Variants in PLEKHH3 observed in about 807,000 individuals in gnomAD.
PLEKHH3 encodes the protein pleckstrin homology domain-containing family H member 3.
Under a neutral mutation model 77.8 loss-of-function variants are expected in PLEKHH3, and 57 were observed. The ratio of observed to expected loss-of-function variants is 0.73; its 90% CI spans 0.59 to 0.91. The LOEUF (loss-of-function observed/expected upper bound fraction) is 0.91. PLEKHH3 is among the 40% of genes least tolerant of loss of function. PLEKHH3 has a pLI of 0.00. For synonymous variants in PLEKHH3, 467 were observed against 504.8 expected (o/e 0.93, Z 1.00); for missense variants, 1,082 against 1,091.2 (o/e 0.99, Z 0.12).
chr17:42,670,906 C>T, intron 9 of PLEKHH3, 88 bp downstream of exon 9: 1 of 1,559,894 alleles, frequency 6.4e-7, no homozygotes, highest in Admixed American at 2.0e-5. Context: ...GGGCCAGGGG[C>T]AAGCGCTGGA....
At position 42,671,181 on chromosome 17, in the gene PLEKHH3, G is replaced by T. The variant is rs2052692873; in HGVS notation, c.1285-51C>A. On this transcript the variant is annotated intron_variant, in intron 8 of 12. Coordinates refer to ENST00000591022, the MANE Select transcript of PLEKHH3 (RefSeq NM_024927.5). This position sits in a 1 kb window ranked among gnomAD's most constrained non-coding sequence, Gnocchi z 4.7. ...CACTCAGAGGTCTTGCCAGGATTCT[G>T]GGAGGGGTTGATTCAATTGGAAGGG... 1.3e-6 allele frequency: 2 copies of T among 1,534,222 alleles called. No homozygotes were observed. The highest frequency in any genetic ancestry group is 2.5e-5 in the South Asian group (2 of 80,198).
At position 42,671,296 on chromosome 17, in the gene PLEKHH3, G is replaced by C; in HGVS notation, c.1284+55C>G. Reference sequence around the variant, plus strand: ...AGGGTCCAGGAAGAGGGAGAGACAGGCGTGAGAAGCTGGCAGGGTGGGTTG... The same window carrying C: ...AGGGTCCAGGAAGAGGGAGAGACAGCCGTGAGAAGCTGGCAGGGTGGGTTG... On this transcript the variant is annotated intron_variant, in intron 8 of 12. Transcript: ENST00000591022. The surrounding 1 kb of genome is among the most constrained non-coding windows in gnomAD (Gnocchi z 4.7). The C allele has an allele frequency of 6.3e-7, 1 of 1,587,528 alleles. No individual in the cohort carries two copies. The highest frequency in any genetic ancestry group is 2.3e-5 in the East Asian group (1 of 44,318).
At position 42,676,142 on chromosome 17, in the gene PLEKHH3, G is replaced by T; in HGVS notation, c.162+260C>A. The T allele has an allele frequency of 7.4e-7, 1 of 1,359,054 alleles. No homozygotes were observed. Among genetic ancestry groups the T allele is most frequent in the Non-Finnish European group, 9.5e-7 (1 of 1,057,910 alleles). The allele number at this position is 1,359,054 out of a possible 1,614,324, so 84.2% of individuals were successfully genotyped here. A position where few individuals can be genotyped will look rare whatever the true frequency, so the allele number is the denominator to read the frequency against. Reference sequence around the variant, plus strand: ...GGAAGGGAGAGGCAGGGCCAGGTCGGGCCACGCGTGACGCCTCCCCTGCCT... The same window carrying T: ...GGAAGGGAGAGGCAGGGCCAGGTCGTGCCACGCGTGACGCCTCCCCTGCCT... On this transcript the variant is annotated intron_variant, in intron 1 of 12. Coordinates refer to ENST00000591022, the MANE Select transcript of PLEKHH3 (RefSeq NM_024927.5). This position sits in a 1 kb window ranked among gnomAD's most constrained non-coding sequence, Gnocchi z 6.6.
chr17:42,676,713 G>C lies in PLEKHH3; in HGVS notation c.-150C>G. 1 of 775,568 alleles carries C rather than the reference G, an allele frequency of 1.3e-6. No homozygotes were observed. The highest frequency in any genetic ancestry group is 2.1e-6 in the Non-Finnish European group (1 of 477,946). The allele number at this position is 775,568 out of a possible 1,614,324, so 48.0% of individuals were successfully genotyped here. On this transcript the variant is annotated 5_prime_UTR_variant, in exon 1 of 13. Transcript: ENST00000591022. This position sits in a 1 kb window ranked among gnomAD's most constrained non-coding sequence, Gnocchi z 6.6. ...GGACAGGGAGGAGGCAGTGTCCTGG[G>C]CTGGGGTGCAAGGGGACGCTAGCCA...
In PLEKHH3 at chr17:42,668,072, G is replaced by A; in HGVS notation, c.*55C>T. ...GGGTCCATGTTTCCCTCAAATCTCA[G>A]AGCAGTCCTGGCCCAGGCTGCAGGC... On this transcript the variant is annotated 3_prime_UTR_variant, in exon 13 of 13. Transcript: ENST00000591022. 1 of 1,301,014 alleles carries A rather than the reference G, an allele frequency of 7.7e-7. No individual in the cohort carries two copies. Among genetic ancestry groups the A allele is most frequent in the Non-Finnish European group, 9.8e-7 (1 of 1,023,492 alleles). 80.6% of individuals were successfully genotyped at this position (1,301,014 alleles called of 1,614,324 possible). A position where few individuals can be genotyped will look rare whatever the true frequency, so the allele number is the denominator to read the frequency against.
At chr17:42,675,564 C>G (rs987769036) in intron 1 of PLEKHH3, among the ~76,000 whole-genome samples, 17 of 152,218 alleles carry the variant, frequency 1.1e-4, no homozygotes, top group Non-Finnish European at 1.9e-4. Flanking sequence ...GTGCTGGCGC[C>G]GGCCCCGGCG....
intron 2 of PLEKHH3, 146 bp from the exon 3 acceptor site, chr17:42,674,159 G>T: frequency 9.1e-7 from 1 of 1,104,502 alleles, no homozygotes; most frequent in Non-Finnish European, 1.3e-6. Flanking sequence ...TTCTGACCTC[G>T]AACCAGAAAT....
At chr17:42,674,527 G>T in intron 1 of PLEKHH3, 118 bp from the exon 2 acceptor site, 1 of 905,356 alleles carries the variant, frequency 1.1e-6, no homozygotes. Flanking sequence ...CACAGAGTGG[G>T]GTCGTGACTA....
In PLEKHH3 at chr17:42,669,559, G is replaced by A; in HGVS notation, c.2076C>T (p.Leu692=). Residue 692 remains leucine (L), a synonymous_variant, in exon 12 of 13, where the codon CTC becomes CTT. Coordinates refer to ENST00000591022, the MANE Select transcript of PLEKHH3 (RefSeq NM_024927.5). ...CLGLGAKAMS[L]SRPGETEPIH... ...TGGGCTCCGTCTCCCCTGGCCGGGAGAGGGACATGGCCTTGGCTCCCAAGC... is the reference window on the plus strand; with the variant it reads ...TGGGCTCCGTCTCCCCTGGCCGGGAAAGGGACATGGCCTTGGCTCCCAAGC... 6.2e-7 allele frequency: 1 copy of A among 1,612,204 alleles called. No homozygotes were observed. The highest frequency in any genetic ancestry group is 1.7e-4 in the Middle Eastern group (1 of 6,048).
chr17:42,673,288 G>A lies in PLEKHH3; in HGVS notation c.657C>T (p.Cys219=), dbSNP rs765924273. 8.8e-6 allele frequency: 14 copies of A among 1,598,984 alleles called. No homozygotes were observed. Among genetic ancestry groups the A allele is most frequent in the East Asian group, 4.5e-5 (2 of 44,758 alleles). ...QLLLRDIQES[C]GDPEAVALIY... is the part of the protein sequence containing the mutation. ...TGAGGGCAACGGCCTCTGGGTCCCC[G>A]CAACTTTCCTAGGGGGCCAGGGAGA... The change falls in exon 6 of 13, where the codon TGC becomes TGT. Residue 219 remains cysteine (C), a synonymous_variant. Transcript: ENST00000591022.
chr17:42,674,691 C>G, intron 1 of PLEKHH3: 1 of 362,068 alleles, frequency 2.8e-6, no homozygotes, highest in Non-Finnish European at 4.9e-6. Context: ...GAGCACTGGG[C>G]AGAGAGTCAG....
In PLEKHH3 at chr17:42,676,598, C is replaced by A; in HGVS notation, c.-35G>T. ...GAGCTGCGGATGGGGGCGCGGGCAGCCGCGGCCGAGCAGTAGGGGGTCGGA... is the reference window on the plus strand; with the variant it reads ...GAGCTGCGGATGGGGGCGCGGGCAGACGCGGCCGAGCAGTAGGGGGTCGGA... On this transcript the variant is annotated 5_prime_UTR_variant, in exon 1 of 13. Transcript: ENST00000591022. The surrounding 1 kb of genome is among the most constrained non-coding windows in gnomAD (Gnocchi z 6.6). The A allele has an allele frequency of 6.5e-7, 1 of 1,541,288 alleles. No individual in the cohort carries two copies.
chr17:42,667,927 G>T lies in PLEKHH3; in HGVS notation c.*200C>A. On this transcript the variant is annotated 3_prime_UTR_variant, in exon 13 of 13. Coordinates refer to ENST00000591022, the MANE Select transcript of PLEKHH3 (RefSeq NM_024927.5). ...CCACAGGAAGGGTTTGTGTAAATAA[G>T]AAACTTTTTTTTTTTTTTTGCTTCT... The T allele has an allele frequency of 2.4e-6, 1 of 414,164 alleles. No homozygotes were observed. Among genetic ancestry groups the T allele is most frequent in the Non-Finnish European group, 3.8e-6 (1 of 260,072 alleles). The allele number at this position is 414,164 out of a possible 1,614,324, so 25.7% of individuals were successfully genotyped here. A position where few individuals can be genotyped will look rare whatever the true frequency, so the allele number is the denominator to read the frequency against.
intron 11 of PLEKHH3, 26 bp from the exon 12 acceptor site, chr17:42,669,647 G>A: frequency 6.3e-7 from 1 of 1,588,218 alleles, no homozygotes; most frequent in Non-Finnish European, 8.6e-7. Flanking sequence ...CAGAGTCAGG[G>A]TGGAAGGAGG....
In PLEKHH3 at chr17:42,671,119, C is replaced by A; in HGVS notation, c.1296G>T (p.Glu432Asp). Reference protein sequence around the residue: ...SHTTAGEVARELVGRLGLARS... With the variant: ...SHTTAGEVARDLVGRLGLARS... ...GGGCCAAGCCCAGCCGCCCCACCAGCTCTCGAGCCACCTAGAAGAGGAGGG... is the reference window on the plus strand; with the variant it reads ...GGGCCAAGCCCAGCCGCCCCACCAGATCTCGAGCCACCTAGAAGAGGAGGG... Residue 432 changes from glutamate (E) to aspartate (D), a missense_variant, in exon 9 of 13, where the codon GAG becomes GAT. Around this residue, in one of 3 missense-constraint regions of PLEKHH3, gnomAD observed 733 missense variants for 750.0 expected, o/e 0.98. Coordinates refer to ENST00000591022, the MANE Select transcript of PLEKHH3 (RefSeq NM_024927.5). The surrounding 1 kb of genome is among the most constrained non-coding windows in gnomAD (Gnocchi z 4.7). 2 of 1,587,196 alleles carry A rather than the reference C, an allele frequency of 1.3e-6. No individual in the cohort carries two copies. Among genetic ancestry groups the A allele is most frequent in the South Asian group, 1.1e-5 (1 of 89,006 alleles).
Position 42,668,223 on chromosome 17 carries a change from TGGA to T in PLEKHH3, c.2283_2285del (p.Pro762del), listed in dbSNP as rs1267820509. The T allele has an allele frequency of 1.2e-5, 19 of 1,555,258 alleles. No homozygotes were observed. Among genetic ancestry groups the T allele is most frequent in the East Asian group, 5.0e-5 (2 of 39,618 alleles). On this transcript the variant is annotated inframe_deletion, in exon 13 of 13. Transcript: ENST00000591022. ...GGGAGGTGTCTGGCAGGTCTTGGCATGGAGGAGAAGAGCTGCTGCAGGGCCTCT... is the reference window on the plus strand; with the variant it reads ...GGGAGGTGTCTGGCAGGTCTTGGCATGGAGAAGAGCTGCTGCAGGGCCTCT...
In PLEKHH3 at chr17:42,669,946, G is replaced by C; in HGVS notation, c.1985C>G (p.Ala662Gly). The C allele has an allele frequency of 6.2e-7, 1 of 1,613,432 alleles. No homozygotes were observed. The highest frequency in any genetic ancestry group is 8.5e-7 in the Non-Finnish European group (1 of 1,179,932). ...GCTCAGCTCCAGAACGTCATACCGA[G>C]CAGCGCCGAACCCCGGACACTGCGC... ...LAAQCPGFGA[A>G]RYDVLELSTE... Residue 662 changes from alanine to glycine, a missense_variant, in exon 11 of 13, where the codon GCT becomes GGT. Transcript: ENST00000591022.
chr17:42,669,493 T>G lies in PLEKHH3; in HGVS notation c.2142A>C (p.Leu714=). The G allele has an allele frequency of 6.2e-7, 1 of 1,604,242 alleles. No individual in the cohort carries two copies. The highest frequency in any genetic ancestry group is 8.5e-7 in the Non-Finnish European group (1 of 1,173,300). ...TCAAGGCCAGGGTGTGGGGGCCCATTAGCTGGCAGGCGGCCACATGGCCAT... is the reference window on the plus strand; with the variant it reads ...TCAAGGCCAGGGTGTGGGGGCCCATGAGCTGGCAGGCGGCCACATGGCCAT... ...VSYGHVAACQ[L]MGPHTLALRV... Residue 714 remains leucine, a synonymous_variant, in exon 12 of 13, where the codon CTA becomes CTC. Transcript: ENST00000591022.
intron 12 of PLEKHH3, 63 bp from the exon 13 acceptor site, chr17:42,668,366 T>C (rs1597785070): frequency 1.1e-5 from 15 of 1,406,600 alleles, no homozygotes; most frequent in East Asian, 2.8e-5. Flanking sequence ...TTTCTCATCC[T>C]TTCTCCAGGC....
Sources: gnomAD v4.1 joint callset for allele counts (sites outside exome capture counted in the v4.1 genomes callset) on GRCh38, gnomAD v4.1.1 for gene constraint, gnomAD v4.1.1 regional missense constraint, Gnocchi (gnomAD v3.1) non-coding constraint, MANE v1.5 for transcripts, NCBI Gene and HGNC (gene_info 2026-07-23, HGNC 2026-07-21) for gene names.